Variants in TP63 observed in about 807,000 individuals in gnomAD.
The protein encoded by TP63 is tumor protein p63, also known as tumor protein 63.
Under a neutral mutation model 82.8 loss-of-function variants are expected in TP63, and 17 were observed. The ratio of observed to expected loss-of-function variants is 0.21; its 90% CI spans 0.14 to 0.31. The LOEUF is 0.31. Ranked by LOEUF, TP63 falls within the 10% of genes least tolerant of loss-of-function variation. The pLI is 1.00. For missense variants in TP63, 648 were observed against 895.3 expected (o/e 0.72, Z 3.52); for synonymous variants, 330 against 321.7 (o/e 1.03, Z -0.28).
In TP63 at chr3:189,878,549, C is replaced by T. The variant is rs143862910; in HGVS notation, c.1349+5554C>T. Among the ~76,000 whole-genome samples, 728 of 149,202 alleles carry T rather than the reference C, an allele frequency of 4.9e-3. 5 individuals are homozygous for T. Among genetic ancestry groups the T allele is most frequent in the African/African-American group, 0.016 (650 of 40,874 alleles). ...GATTACAGATGCCTGCCACCATGCCCGGCTAATTTTTGTATTTTGATATAT... is the reference window on the plus strand; with the variant it reads ...GATTACAGATGCCTGCCACCATGCCTGGCTAATTTTTGTATTTTGATATAT... On this transcript the variant is annotated intron_variant, in intron 10 of 13. Coordinates refer to ENST00000264731, the MANE Select transcript of TP63 (RefSeq NM_003722.5).
intron 3 of TP63, among the ~76,000 whole-genome samples, chr3:189,794,210 AT>A (rs1725457245): frequency 6.6e-6 from 1 of 152,112 alleles, no homozygotes; most frequent in African/African-American, 2.4e-5. Context: ...TCTTAAAAAA[AT>A]GTTTACTGAG....
At chr3:189,833,229 A>T (rs1712625462) in intron 4 of TP63, among the ~76,000 whole-genome samples, 1 of 152,184 alleles carries the variant, frequency 6.6e-6, no homozygotes, top group African/African-American at 2.4e-5. Flanking sequence ...CAGTGAGGGG[A>T]AGAAACAGTG....
At chr3:189,872,788 A>G in intron 9 of TP63, 71 bp from the exon 10 acceptor site, 1 of 1,603,018 alleles carries the variant, frequency 6.2e-7, no homozygotes, top group African/African-American at 1.3e-5. Context: ...TCAAATAATG[A>G]GGATTGACCA....
In TP63 at chr3:189,894,417, C is replaced by T. The variant is rs1721317872; in HGVS notation, c.1958C>T (p.Pro653Leu). 6.2e-7 allele frequency: 1 copy of T among 1,613,976 alleles called. No individual in the cohort carries two copies. Among genetic ancestry groups the T allele is most frequent in the Non-Finnish European group, 8.5e-7 (1 of 1,180,022 alleles). Residue 653 changes from proline to leucine, a missense_variant, in exon 14 of 14, where the codon CCA becomes CTA. This residue lies in a region of TP63 where 342 missense variants were observed against 425.7 expected (regional missense o/e 0.80). Transcript: ENST00000264731. ...RFTLRQTISFPPRDEWNDFNF... is the reference protein window; with the variant it reads ...RFTLRQTISFLPRDEWNDFNF... ...ACCCTCCGCCAGACCATCTCTTTCC[C>T]ACCCCGAGATGAGTGGAATGACTTC...
Position 189,837,034 on chromosome 3 carries a change from AG to A in TP63, c.580-27194del. On this transcript the variant is annotated intron_variant, in intron 4 of 13. Coordinates refer to ENST00000264731, the MANE Select transcript of TP63 (RefSeq NM_003722.5). ...GAGATTATACCTCAGTTTGGAAAGT[AG>A]GGGAATGAGCCTTCTGCCTCTGTGA... 2.6e-5 allele frequency among the ~76,000 whole-genome samples: 4 copies of A among 152,302 alleles called. No individual in the cohort carries two copies. The South Asian group carries it at 8.3e-4, about 32-fold the overall frequency.
intron 1 of TP63, among the ~76,000 whole-genome samples, chr3:189,664,340 G>C (rs1310654890): frequency 1.3e-5 from 2 of 152,080 alleles, no homozygotes; most frequent in Non-Finnish European, 2.9e-5. Context: ...GCAGTACTAT[G>C]CTCAAAATTA....
chr3:189,868,026 A>G (rs1220560399), intron 7 of TP63, 84 bp downstream of exon 7: 1 of 1,115,596 alleles, frequency 9.0e-7, no homozygotes, highest in Non-Finnish European at 1.3e-6. Flanking sequence ...TTTATCATTA[A>G]TTTTGCATGT....
chr3:189,886,304 C>T, intron 10 of TP63, 90 bp from the exon 11 acceptor site: 2 of 1,406,084 alleles, frequency 1.4e-6, no homozygotes. Context: ...TGGTTTGAGG[C>T]CATGTTTTAA....
chr3:189,757,600 G>A (rs1232801575), intron 3 of TP63, among the ~76,000 whole-genome samples: 1 of 146,412 alleles, frequency 6.8e-6, no homozygotes, highest in African/African-American at 2.5e-5. Context: ...AGCAATTACT[G>A]ATGCAGGACA....
At chr3:189,771,196 C>T (rs1449393696) in intron 3 of TP63, among the ~76,000 whole-genome samples, 14 of 149,000 alleles carry the variant, frequency 9.4e-5, no homozygotes, top group Admixed American at 7.5e-4. Context: ...GTTGAATGAG[C>T]TCTCAAAGAT....
At chr3:189,654,551 C>A (rs1002444932) in intron 1 of TP63, among the ~76,000 whole-genome samples, 1 of 152,120 alleles carries the variant, frequency 6.6e-6, no homozygotes. Flanking sequence ...AAGTACTTTT[C>A]AATGGAATCT....
the TP63 span, among the ~76,000 whole-genome samples, chr3:189,615,027 T>G: frequency 1.3e-5 from 2 of 152,252 alleles, no homozygotes; most frequent in African/African-American, 4.8e-5. Context: ...AACAAATCTC[T>G]GTGTTCCACT....
At chr3:189,824,917 A>G (rs756112513) in intron 4 of TP63, among the ~76,000 whole-genome samples, 1 of 152,118 alleles carries the variant, frequency 6.6e-6, no homozygotes, top group African/African-American at 2.4e-5. Context: ...AGCTATCATC[A>G]GACAGCAGCA....
chr3:189,669,723 G>A (rs1714728084), intron 1 of TP63, among the ~76,000 whole-genome samples: 1 of 152,070 alleles, frequency 6.6e-6, no homozygotes, highest in East Asian at 1.9e-4. Flanking sequence ...ACATTAATAA[G>A]TTAGAGATAC....
At chr3:189,789,701 C>G in intron 3 of TP63, 1 of 1,447,770 alleles carries the variant, frequency 6.9e-7, no homozygotes, top group Non-Finnish European at 9.1e-7. Context: ...CTGTTATCTT[C>G]TTAAGTAGAT....
At chr3:189,772,506 G>T (rs576432991) in intron 3 of TP63, among the ~76,000 whole-genome samples, 1 of 152,308 alleles carries the variant, frequency 6.6e-6, no homozygotes, top group East Asian at 1.9e-4. Context: ...AACTTTTTTA[G>T]TATGTTCCAT....
At chr3:189,748,567 A>G (rs1293223534) in intron 3 of TP63, among the ~76,000 whole-genome samples, 2 of 150,834 alleles carry the variant, frequency 1.3e-5, no homozygotes, top group Non-Finnish European at 3.0e-5. Context: ...AAGACATTCT[A>G]TGCTCATGGA....
At chr3:189,719,249 A>C (rs947485083) in intron 1 of TP63, among the ~76,000 whole-genome samples, 1 of 152,266 alleles carries the variant, frequency 6.6e-6, no homozygotes, top group African/African-American at 2.4e-5. Context: ...TCTTTTGTAC[A>C]TACTCAGATC....
At chr3:189,619,557 A>G in the TP63 span, among the ~76,000 whole-genome samples, 1 of 152,078 alleles carries the variant, frequency 6.6e-6, no homozygotes. Context: ...TAAGACACCA[A>G]AGATGTCCTC....
Sources: allele counts gnomAD v4.1 joint callset (sites outside exome capture counted in the v4.1 genomes callset), GRCh38; gene constraint gnomAD v4.1.1; regional missense constraint gnomAD v4.1.1; transcripts MANE v1.5; gene names NCBI Gene and HGNC (gene_info 2026-07-23, HGNC 2026-07-21).